TFPI: variants seen among roughly 807,000 people sequenced by gnomAD.
TFPI encodes tissue factor pathway inhibitor.
TFPI carries 15 observed loss-of-function variants against 34.6 expected under a neutral mutation model. That is an observed-to-expected ratio of 0.43 (90% CI 0.29 to 0.67). TFPI has a LOEUF of 0.67. Ranked by LOEUF, TFPI falls within the 30% of genes least tolerant of loss-of-function variation. The pLI is 0.15. For missense variants in TFPI, 301 were observed against 364.0 expected (o/e 0.83, Z 1.41); for synonymous variants, 105 against 120.1 (o/e 0.87, Z 0.82).
chr2:187,546,498 T>C (rs886751947), intron 1 of TFPI, among the ~76,000 whole-genome samples: 2 of 152,066 alleles, frequency 1.3e-5, no homozygotes, highest in East Asian at 3.9e-4. Flanking sequence ...AATAAAATTC[T>C]GCACAACTAC....
intron 1 of TFPI, among the ~76,000 whole-genome samples, chr2:187,525,096 A>G (rs1687610250): frequency 6.6e-6 from 1 of 152,152 alleles, no homozygotes; most frequent in Admixed American, 6.5e-5. Flanking sequence ...GAAAGAAAAA[A>G]GGAAGACCTT....
At position 187,467,003 on chromosome 2, in the gene TFPI, G is replaced by A; in HGVS notation, c.848C>T (p.Thr283Ile). The A allele has an allele frequency of 6.3e-7, 1 of 1,587,648 alleles. No individual in the cohort carries two copies. The highest frequency in any genetic ancestry group is 1.4e-5 in the African/African-American group (1 of 73,948). ...QRISKGGLIK[T>I]KRKRKKQRVK... is the part of the protein sequence containing the mutation. ...TCTCTGCTTCTTTCTTTTTCTTTTG[G>A]TTTTAATTAGGCCTCCTTTTGATAT... Residue 283 changes from threonine (T) to isoleucine (I), a missense_variant, in exon 8 of 8, where the codon ACC (threonine) becomes ATC (isoleucine). Transcript: ENST00000233156.
chr2:187,526,368 G>C (rs550802462), intron 1 of TFPI, among the ~76,000 whole-genome samples: 8 of 152,096 alleles, frequency 5.3e-5, no homozygotes, highest in South Asian at 4.2e-4. Context: ...AGATCCATTG[G>C]AGCTAAAATA....
chr2:187,542,684 A>G (rs1209873831), intron 1 of TFPI, among the ~76,000 whole-genome samples: 2 of 152,078 alleles, frequency 1.3e-5, no homozygotes, highest in Non-Finnish European at 2.9e-5. Context: ...CCTGACCAAC[A>G]TGGTGAAACC....
intron 3 of TFPI, among the ~76,000 whole-genome samples, chr2:187,492,574 G>C (rs1191876103): frequency 1.3e-5 from 2 of 152,174 alleles, no homozygotes; most frequent in African/African-American, 4.8e-5. Context: ...AAGTCACAAG[G>C]GCAGAGCTGC....
intron 6 of TFPI, among the ~76,000 whole-genome samples, chr2:187,483,694 C>A (rs1400497984): frequency 1.3e-5 from 2 of 151,954 alleles, no homozygotes; most frequent in Non-Finnish European, 2.9e-5. Context: ...CAATCAATTT[C>A]TAATCTGTCC....
At chr2:187,521,093 C>T (rs1435134071) in intron 1 of TFPI, among the ~76,000 whole-genome samples, 1 of 152,008 alleles carries the variant, frequency 6.6e-6, no homozygotes, top group Non-Finnish European at 1.5e-5. Context: ...GGGCACTAGG[C>T]ATGCTCATTG....
rs1036499113 is a variant in TFPI at position 187,466,588 on chromosome 2, A to C, written c.*348T>G. The C allele has an allele frequency of 5.8e-6, 1 of 171,942 alleles. No individual in the cohort carries two copies. Among genetic ancestry groups the C allele is most frequent in the Non-Finnish European group, 1.2e-5 (1 of 81,364 alleles). 10.7% of individuals were successfully genotyped at this position (171,942 alleles called of 1,614,324 possible). On this transcript the variant is annotated 3_prime_UTR_variant, in exon 8 of 8. Coordinates refer to ENST00000233156, the MANE Select transcript of TFPI (RefSeq NM_006287.6). ...TCTGGTTACAGGCTATAAAGGAGAT[A>C]ATCATTTACATGATCATATTCTCAA...
rs559184371 is a variant in TFPI, at chr2:187,531,604, C to T, written c.-3+22596G>A. On this transcript the variant is annotated intron_variant, in intron 1 of 7. Coordinates refer to ENST00000233156, the MANE Select transcript of TFPI (RefSeq NM_006287.6). ...ATATGATTTATATGATCATGATAAT[C>T]GTACAAGTTCTATGTCAACCAAAAA... 6.6e-5 allele frequency among the ~76,000 whole-genome samples: 10 copies of T among 152,022 alleles called. No homozygotes were observed. In the East Asian group the frequency reaches 1.2e-3, roughly 18 times the overall value.
intron 3 of TFPI, among the ~76,000 whole-genome samples, chr2:187,495,414 C>A (rs941187949): frequency 6.6e-6 from 1 of 152,138 alleles, no homozygotes; most frequent in Non-Finnish European, 1.5e-5. Context: ...GTATAGAAAT[C>A]TGTGATGAAT....
At position 187,466,984 on chromosome 2, in the gene TFPI, CTTCT is replaced by C. The variant is rs1691747037; in HGVS notation, c.863_866del (p.Lys288SerfsTer4). 1 of 1,590,416 alleles carries C rather than the reference CTTCT, an allele frequency of 6.3e-7. No individual in the cohort carries two copies. The highest frequency in any genetic ancestry group is 8.6e-7 in the Non-Finnish European group (1 of 1,166,400). The stretch of plus-strand genomic sequence containing the variant: ...CTTCATATGCTATTTTCACTCTCTG[CTTCT>C]TTCTTTTTCTTTTGGTTTTAATTAG... On this transcript the variant is annotated frameshift_variant, in exon 8 of 8. Coordinates refer to ENST00000233156, the MANE Select transcript of TFPI (RefSeq NM_006287.6). LOFTEE classifies it low-confidence loss of function (END_TRUNC).
intron 6 of TFPI, among the ~76,000 whole-genome samples, chr2:187,473,802 C>T (rs955756092): frequency 6.8e-6 from 1 of 146,362 alleles, no homozygotes; most frequent in Non-Finnish European, 1.5e-5. Context: ...CACTGTGGAG[C>T]TTTTTTTTTT....
chr2:187,496,176 T>G lies in TFPI; in HGVS notation c.319+705A>C, dbSNP rs1476439460. ...CACAAGGGTCATCAGGGATGATTTT[T>G]CTTTTCTATGGTATTCTATTTTTAT... On this transcript the variant is annotated intron_variant, in intron 3 of 7. Transcript: ENST00000233156. Among the ~76,000 whole-genome samples the G allele has an allele frequency of 2.6e-5, 4 of 152,250 alleles. No individual in the cohort carries two copies. In the East Asian group the frequency reaches 7.7e-4, roughly 29 times the overall value.
chr2:187,538,922 A>G (rs1448721334), intron 1 of TFPI, among the ~76,000 whole-genome samples: 2 of 152,304 alleles, frequency 1.3e-5, no homozygotes, highest in East Asian at 3.9e-4. Flanking sequence ...AAAGTTACTT[A>G]TTTATGGTAA....
intron 2 of TFPI, among the ~76,000 whole-genome samples, chr2:187,499,211 T>C (rs1685687586): frequency 6.6e-6 from 1 of 151,922 alleles, no homozygotes; most frequent in South Asian, 2.1e-4. Context: ...CTCAGGCATA[T>C]AGAGAGTTTC....
At chr2:187,548,048 A>T (rs1367536354) in intron 1 of TFPI, among the ~76,000 whole-genome samples, 1 of 152,082 alleles carries the variant, frequency 6.6e-6, no homozygotes, top group African/African-American at 2.4e-5. Context: ...TATATAAAAA[A>T]TATATAGTTA....
intron 1 of TFPI, chr2:187,527,066 ATTTTG>A (rs1261403484): frequency 6.6e-6 from 1 of 151,992 alleles, no homozygotes; most frequent in Non-Finnish European, 1.5e-5. Context: ...ATGTGCTTTC[ATTTTG>A]TTTTATTCTA....
chr2:187,492,500 A>G (rs979577643), intron 3 of TFPI, among the ~76,000 whole-genome samples: 1 of 152,054 alleles, frequency 6.6e-6, no homozygotes, highest in African/African-American at 2.4e-5. Flanking sequence ...GTTTTTGTTG[A>G]TTTTGTCAAA....
intron 1 of TFPI, among the ~76,000 whole-genome samples, chr2:187,507,375 G>A (rs1283259655): frequency 6.6e-6 from 1 of 152,116 alleles, no homozygotes. Context: ...ACGTGTGAAA[G>A]CGTCTTTATG....
Sources: allele counts gnomAD v4.1 joint callset (sites outside exome capture counted in the v4.1 genomes callset), GRCh38; gene constraint gnomAD v4.1.1; transcripts MANE v1.5; gene names NCBI Gene and HGNC (gene_info 2026-07-23, HGNC 2026-07-21).